The following STRA8 variants were observed in gnomAD, a reference collection of about 807,000 sequenced individuals.
STRA8 encodes the protein stimulated by retinoic acid gene 8 protein homolog.
In STRA8, 18 loss-of-function variants were observed where a neutral mutation model predicts 37.1. The observed-to-expected ratio is 0.48, with a 90% confidence interval of 0.34 to 0.72. The LOEUF is 0.72. Ranked by LOEUF, STRA8 falls within the 30% of genes least tolerant of loss-of-function variation. The pLI, the probability that STRA8 is intolerant of heterozygous loss-of-function variation, is 0.01. For synonymous variants in STRA8, 168 were observed against 162.9 expected (o/e 1.03, Z -0.24); for missense variants, 357 against 410.4 (o/e 0.87, Z 1.13).
At chr7:135,235,475 C>T (rs1832361393) in intron 1 of STRA8, among the ~76,000 whole-genome samples, 1 of 137,930 alleles carries the variant, frequency 7.3e-6, no homozygotes, top group Non-Finnish European at 1.5e-5. Context: ...GAGTTTCACT[C>T]TTGTGGCCCA....
At position 135,246,233 on chromosome 7, in the gene STRA8, A is replaced by G. The variant is rs1479057214; in HGVS notation, c.594-184A>G. Reference sequence around the variant, plus strand: ...CCCAAAGCCCAAGTCTATGTCCTTCATGGCCCCCAGGAAGGCTGCTGCTCT... The same window carrying G: ...CCCAAAGCCCAAGTCTATGTCCTTCGTGGCCCCCAGGAAGGCTGCTGCTCT... On this transcript the variant is annotated intron_variant, in intron 5 of 8. Coordinates refer to ENST00000662584, the MANE Select transcript of STRA8 (RefSeq NM_001394401.1). This position sits in a 1 kb window ranked among gnomAD's most constrained non-coding sequence, Gnocchi z 5.4. 1.3e-6 allele frequency: 1 copy of G among 777,826 alleles called. No homozygotes were observed. Among genetic ancestry groups the G allele is most frequent in the African/African-American group, 1.8e-5 (1 of 56,710 alleles). 48.2% of individuals were successfully genotyped at this position (777,826 alleles called of 1,614,324 possible).
Position 135,245,438 on chromosome 7 carries a change from G to T in STRA8, c.504G>T (p.Glu168Asp), listed in dbSNP as rs1008203065. 37 of 753,544 alleles carry T rather than the reference G, an allele frequency of 4.9e-5. No individual in the cohort carries two copies. Among genetic ancestry groups the T allele is most frequent in the Non-Finnish European group, 8.4e-5 (34 of 406,904 alleles). 46.7% of individuals were successfully genotyped at this position (753,544 alleles called of 1,614,324 possible). Residue 168 changes from glutamate (E) to aspartate (D), a missense_variant, in exon 5 of 9, where the codon GAG becomes GAT. Physicochemically the swap from Glu to Asp is conservative, Grantham distance 45. Coordinates refer to ENST00000662584, the MANE Select transcript of STRA8 (RefSeq NM_001394401.1). ...EEEEEEEEEEEEEEEEEEEEE... is the reference protein window; with the variant it reads ...EEEEEEEEEEDEEEEEEEEEE... ...AAGAAGAGGAGGAGGAGGAAGAGGA[G>T]GAAGAGGAAGAGGAGGAGGAGGAAG...
intron 8 of STRA8, among the ~76,000 whole-genome samples, chr7:135,258,120 C>A (rs1832727125): frequency 6.6e-6 from 1 of 152,202 alleles, no homozygotes; most frequent in African/African-American, 2.4e-5. Flanking sequence ...TGGATAAAGC[C>A]TTATGAGGTC....
rs763050398 is a variant in STRA8, at chr7:135,240,729, G to A, written c.192+13G>A. The stretch of plus-strand genomic sequence containing the variant: ...CATAGCCTCAAAGGTATGGGGACCT[G>A]GAGGAGGAGAGGGGACATCTCCACG... On this transcript the variant is annotated intron_variant, in intron 2 of 8. Coordinates refer to ENST00000662584, the MANE Select transcript of STRA8 (RefSeq NM_001394401.1). 3.7e-6 allele frequency: 6 copies of A among 1,613,276 alleles called. No homozygotes were observed. Among genetic ancestry groups the A allele is most frequent in the Non-Finnish European group, 5.1e-6 (6 of 1,179,444 alleles).
intron 7 of STRA8, among the ~76,000 whole-genome samples, chr7:135,253,097 G>C (rs1206111564): frequency 6.6e-6 from 1 of 152,140 alleles, no homozygotes; most frequent in Non-Finnish European, 1.5e-5. Flanking sequence ...ACTATGCTCA[G>C]CTAATTTTTG....
chr7:135,243,564 T>C (rs766718675), intron 4 of STRA8, among the ~76,000 whole-genome samples, 154 bp downstream of exon 4: 6 of 152,232 alleles, frequency 3.9e-5, no homozygotes, highest in African/African-American at 4.8e-5. Flanking sequence ...AGACCATTCG[T>C]TTCTCTTTTA....
chr7:135,233,888 C>G lies in STRA8; in HGVS notation c.-22C>G, dbSNP rs1412964847. ...TGCTGTCCCGGGAGTGGGGACGTCG[C>G]GTGCACCGTTGGCGAGTAAGTATCC... On this transcript the variant is annotated 5_prime_UTR_variant, in exon 1 of 9. Transcript: ENST00000662584. 6.6e-6 allele frequency among the ~76,000 whole-genome samples: 1 copy of G among 152,166 alleles called. No individual in the cohort carries two copies. Among genetic ancestry groups the G allele is most frequent in the South Asian group, 2.1e-4 (1 of 4,832 alleles).
chr7:135,245,506 C>T lies in STRA8; in HGVS notation c.572C>T (p.Pro191Leu), dbSNP rs1026440145. Residue 191 changes from proline (P) to leucine (L), a missense_variant, in exon 5 of 9, where the codon CCT becomes CTT. Coordinates refer to ENST00000662584, the MANE Select transcript of STRA8 (RefSeq NM_001394401.1). Reference protein sequence around the residue: ...VILYSPGTLSPDLMEFERYLN... With the variant: ...VILYSPGTLSLDLMEFERYLN... ...TTATACTCCCCAGGAACTTTGTCGC[C>T]TGACCTCATGGAATTTGAACGGTGT... Among the ~76,000 whole-genome samples the T allele has an allele frequency of 1.3e-5, 2 of 152,100 alleles. No individual in the cohort carries two copies. The highest frequency in any genetic ancestry group is 2.9e-5 in the Non-Finnish European group (2 of 68,032).
chr7:135,232,709 T>C (rs1033704938), upstream of STRA8, among the ~76,000 whole-genome samples: 1 of 152,184 alleles, frequency 6.6e-6, no homozygotes, highest in Non-Finnish European at 1.5e-5. Flanking sequence ...TTTCTTTATA[T>C]GTGGGACATC....
At chr7:135,248,510 C>A (rs1447876925) in intron 6 of STRA8, among the ~76,000 whole-genome samples, 5 of 152,096 alleles carry the variant, frequency 3.3e-5, no homozygotes, top group African/African-American at 1.2e-4. Flanking sequence ...GAGTTTGAGA[C>A]CAGCCTGGGC....
At chr7:135,232,040 T>C, upstream of STRA8, 2 of 1,608,132 alleles carry the variant, frequency 1.2e-6, no homozygotes, top group African/African-American at 2.7e-5. Flanking sequence ...CTGTGGCAGG[T>C]AAATAAGCTT....
At position 135,254,173 on chromosome 7, in the gene STRA8, G is replaced by A. The variant is rs577703789; in HGVS notation, c.954-941G>A. Among the ~76,000 whole-genome samples the A allele has an allele frequency of 3.6e-4, 55 of 152,310 alleles. 1 individual carries two copies. The highest frequency in any genetic ancestry group is 1.6e-3 in the Admixed American group (24 of 15,304). ...CTGGAAGACACATTCCTGTTTCTGT[G>A]CTGAGCTTGGACTGCAAAGACAACC... On this transcript the variant is annotated intron_variant, in intron 7 of 8. Transcript: ENST00000662584.
intron 2 of STRA8, among the ~76,000 whole-genome samples, chr7:135,242,257 A>C (rs1203688517): frequency 6.6e-6 from 1 of 151,686 alleles, no homozygotes; most frequent in Non-Finnish European, 1.5e-5. Flanking sequence ...GGAGGGAAAA[A>C]GGGAAAGAGG....
chr7:135,240,990 T>C (rs1399444547), intron 2 of STRA8, among the ~76,000 whole-genome samples: 1 of 152,154 alleles, frequency 6.6e-6, no homozygotes, highest in Non-Finnish European at 1.5e-5. Flanking sequence ...TGCTGTGTTC[T>C]CACATGGGGG....
chr7:135,235,703 A>G (rs577427775), intron 1 of STRA8, among the ~76,000 whole-genome samples: 25 of 152,262 alleles, frequency 1.6e-4, no homozygotes, highest in East Asian at 1.3e-3. Context: ...TGGCCCCCCA[A>G]CATGCTGGGA....
chr7:135,246,307 C>G lies in STRA8; in HGVS notation c.594-110C>G, dbSNP rs1832552079. ...TCTGAGAAGTCTCAGCCCTGGTGAG[C>G]CGTGGCGCCGTGGCCGGGCCTGCGT... On this transcript the variant is annotated intron_variant, in intron 5 of 8. Coordinates refer to ENST00000662584, the MANE Select transcript of STRA8 (RefSeq NM_001394401.1). The surrounding 1 kb of genome is among the most constrained non-coding windows in gnomAD (Gnocchi z 5.4). 4 of 1,413,468 alleles carry G rather than the reference C, an allele frequency of 2.8e-6. No homozygotes were observed. The allele number at this position is 1,413,468 out of a possible 1,614,324, so 87.6% of individuals were successfully genotyped here. A position where few individuals can be genotyped will look rare whatever the true frequency, so the allele number is the denominator to read the frequency against.
At chr7:135,252,420 G>T (rs1267072679) in intron 7 of STRA8, among the ~76,000 whole-genome samples, 1 of 152,154 alleles carries the variant, frequency 6.6e-6, no homozygotes, top group East Asian at 1.9e-4. Context: ...AACACATGGG[G>T]ATTATAATTC....
rs779082335 is a variant in STRA8 at position 135,258,418 on chromosome 7, G to A, written c.1066G>A (p.Glu356Lys). The A allele has an allele frequency of 1.2e-6, 2 of 1,601,204 alleles. No homozygotes were observed. Among genetic ancestry groups the A allele is most frequent in the Non-Finnish European group, 1.7e-6 (2 of 1,173,386 alleles). The change falls in exon 9 of 9, where the codon GAA (glutamate) becomes AAA (lysine). Residue 356 changes from glutamate to lysine, a missense_variant and splice_region_variant. Glu to Lys is a moderately conservative substitution (Grantham distance 56, BLOSUM62 1). Transcript: ENST00000662584. ...CCCTCTTCCACCCTGTGTCTTGCAG[G>A]AAGCATCCTTTCCCGTTGATGAAGA... ...LSCANTQVKQ[E>K]ASFPVDEEMI...
At chr7:135,241,630 C>T (rs1163946650) in intron 2 of STRA8, among the ~76,000 whole-genome samples, 5 of 152,240 alleles carry the variant, frequency 3.3e-5, no homozygotes, top group African/African-American at 1.2e-4. Context: ...GCTCAGCTGC[C>T]CTGCTCCATG....
Sources: gnomAD v4.1 joint callset for allele counts (sites outside exome capture counted in the v4.1 genomes callset) on GRCh38, gnomAD v4.1.1 for gene constraint, Gnocchi (gnomAD v3.1) non-coding constraint, MANE v1.5 for transcripts, NCBI Gene and HGNC (gene_info 2026-07-23, HGNC 2026-07-21) for gene names.